Variants in SHTN1 observed in about 807,000 individuals in gnomAD.
SHTN1 encodes shootin-1.
Under a neutral mutation model 83.1 loss-of-function variants are expected in SHTN1, and 42 were observed. That is an observed-to-expected ratio of 0.51 (90% CI 0.39 to 0.65). The LOEUF is 0.65. Among genes scored for constraint, SHTN1 ranks in the 30% least tolerant of loss-of-function variants. The probability of loss-of-function intolerance (pLI) is 0.00; values close to 1 mark genes in which losing one functional copy is unlikely to be tolerated. For synonymous variants in SHTN1, 224 were observed against 247.7 expected, an observed-to-expected ratio of 0.90 and a Z score of 0.90; for missense variants, 622 against 737.8, an observed-to-expected ratio of 0.84 and a Z score of 1.82.
chr10:116,995,138 T>C (rs1851583262), intron 1 of SHTN1, among the ~76,000 whole-genome samples: 1 of 152,160 alleles, frequency 6.6e-6, no homozygotes. Flanking sequence ...TTAAGTCTTG[T>C]TGTTCACATT....
chr10:117,034,504 G>A (rs573024758), intron 2 of SHTN1, among the ~76,000 whole-genome samples: 2 of 152,080 alleles, frequency 1.3e-5, no homozygotes, highest in Non-Finnish European at 2.9e-5. Context: ...AGTTGGGTGT[G>A]GTGGCACATG....
At chr10:117,010,832 A>C (rs1450207196) in intron 2 of SHTN1, among the ~76,000 whole-genome samples, 3 of 152,218 alleles carry the variant, frequency 2.0e-5, no homozygotes, top group African/African-American at 7.2e-5. Flanking sequence ...CCAGGTGATC[A>C]TCTCAATTGA....
chr10:117,021,080 A>G (rs1214725479), intron 2 of SHTN1, among the ~76,000 whole-genome samples: 1 of 152,156 alleles, frequency 6.6e-6, no homozygotes, highest in Non-Finnish European at 1.5e-5. Flanking sequence ...ACAAGTAAAA[A>G]CCACAATGAT....
intron 2 of SHTN1, chr10:116,973,864 G>A: frequency 1.6e-6 from 2 of 1,285,618 alleles, no homozygotes; most frequent in South Asian, 2.5e-5. Context: ...ACCTGTTTAA[G>A]AATCCTTGGC....
intron 1 of SHTN1, chr10:117,126,304 T>TA (rs1383918685): frequency 6.1e-6 from 1 of 162,706 alleles, no homozygotes; most frequent in Non-Finnish European, 1.3e-5. Flanking sequence ...AGGCCTAACT[T>TA]ACCACTTTCC....
intron 9 of SHTN1, among the ~76,000 whole-genome samples, chr10:116,934,593 AG>A (rs1849087664): frequency 6.6e-6 from 1 of 152,182 alleles, no homozygotes; most frequent in Non-Finnish European, 1.5e-5. Flanking sequence ...GTTTGAAGCC[AG>A]GCAGTGTGAT....
upstream of SHTN1, among the ~76,000 whole-genome samples, chr10:117,007,554 CAAAAAAAAA>C (rs35941784): frequency 2.4e-4 from 4 of 16,380 alleles, no homozygotes; most frequent in South Asian, 5.6e-3. Context: ...GACTCCATCT[CAAAAAAAAA>C]AAAAAAAAAA....
chr10:117,006,056 T>G (rs1852001245), upstream of SHTN1, among the ~76,000 whole-genome samples: 1 of 152,190 alleles, frequency 6.6e-6, no homozygotes, highest in Non-Finnish European at 1.5e-5. Context: ...CTGCATTGTT[T>G]CAAAGGTGCT....
At chr10:116,945,238 C>T (rs1208899642) in intron 7 of SHTN1, among the ~76,000 whole-genome samples, 1 of 152,144 alleles carries the variant, frequency 6.6e-6, no homozygotes, top group Non-Finnish European at 1.5e-5. Context: ...AATCCCACTT[C>T]CAGGAATGCA....
At chr10:116,958,102 A>G (rs1850049227) in intron 4 of SHTN1, among the ~76,000 whole-genome samples, 1 of 152,202 alleles carries the variant, frequency 6.6e-6, no homozygotes, top group Non-Finnish European at 1.5e-5. Flanking sequence ...CTGCATCATC[A>G]GAATTAAACA....
chr10:116,962,862 C>T (rs1330542803), intron 3 of SHTN1, among the ~76,000 whole-genome samples: 1 of 151,878 alleles, frequency 6.6e-6, no homozygotes, highest in Non-Finnish European at 1.5e-5. Context: ...AAACTGGTAG[C>T]ATAACAACCT....
chr10:116,978,381 T>C (rs1850885379), intron 2 of SHTN1, among the ~76,000 whole-genome samples: 1 of 152,182 alleles, frequency 6.6e-6, no homozygotes, highest in South Asian at 2.1e-4. Context: ...TCTTCTTTAA[T>C]ATCTACAAAG....
At chr10:116,978,854 A>G (rs1293438060) in intron 2 of SHTN1, among the ~76,000 whole-genome samples, 2 of 152,376 alleles carry the variant, frequency 1.3e-5, no homozygotes, top group Non-Finnish European at 2.9e-5. Flanking sequence ...CGAAACACCA[A>G]TGACTAATTC....
At chr10:117,096,946 G>C (rs547244245) in intron 1 of SHTN1, among the ~76,000 whole-genome samples, 1 of 152,260 alleles carries the variant, frequency 6.6e-6, no homozygotes, top group Admixed American at 6.5e-5. Flanking sequence ...GGAGATCCTA[G>C]AGAAATCTTA....
intron 1 of SHTN1, among the ~76,000 whole-genome samples, chr10:117,072,596 AGAC>A (rs1265567653): frequency 6.6e-6 from 1 of 152,198 alleles, no homozygotes; most frequent in Admixed American, 6.5e-5. Context: ...CTAGGTGGCT[AGAC>A]CCAGAAGAGA....
chr10:116,947,896 G>A (rs148084388), intron 7 of SHTN1, among the ~76,000 whole-genome samples: 1 of 152,250 alleles, frequency 6.6e-6, no homozygotes, highest in African/African-American at 2.4e-5. Flanking sequence ...TTGGAGAAAT[G>A]TTACAATCCA....
Position 116,972,208 on chromosome 10 carries a change from C to G in SHTN1, c.112-3496G>C, listed in dbSNP as rs375914793. Among the ~76,000 whole-genome samples, 128 of 152,344 alleles carry G rather than the reference C, an allele frequency of 8.4e-4. 1 individual carries two copies. The highest frequency in any genetic ancestry group is 3.0e-3 in the African/African-American group (124 of 41,594). The stretch of plus-strand genomic sequence containing the variant: ...GGGTTCACACTAATCCTATGGTTAT[C>G]ATCAGCAGATTCACAAGCTGTCTCC... On this transcript the variant is annotated intron_variant, in intron 2 of 16. Coordinates refer to ENST00000355371, the MANE Select transcript of SHTN1 (RefSeq NM_001127211.3).
At chr10:116,971,039 C>A (rs1850599295) in intron 2 of SHTN1, among the ~76,000 whole-genome samples, 1 of 152,062 alleles carries the variant, frequency 6.6e-6, no homozygotes, top group Non-Finnish European at 1.5e-5. Flanking sequence ...CCTGTCCTTT[C>A]AAAATATTTT....
At chr10:116,923,742 G>A (rs1188630680) in intron 11 of SHTN1, among the ~76,000 whole-genome samples, 1 of 151,990 alleles carries the variant, frequency 6.6e-6, no homozygotes, top group East Asian at 1.9e-4. Flanking sequence ...TTTTTGCAGT[G>A]GTCTCATCAT....
Sources: allele counts gnomAD v4.1 joint callset (sites outside exome capture counted in the v4.1 genomes callset), GRCh38; gene constraint gnomAD v4.1.1; transcripts MANE v1.5; gene names NCBI Gene and HGNC (gene_info 2026-07-23, HGNC 2026-07-21).